TXNL1: variants seen among roughly 807,000 people sequenced by gnomAD.
The protein encoded by TXNL1 is thioredoxin-like protein 1.
TXNL1 carries 14 observed loss-of-function variants against 35.5 expected under a neutral mutation model. The observed-to-expected ratio is 0.39, with a 90% CI of 0.26 to 0.62. The LOEUF (loss-of-function observed/expected upper bound fraction) is 0.62. Among genes scored for constraint, TXNL1 ranks in the 20% least tolerant of loss-of-function variants. TXNL1 has a pLI of 0.47. For missense variants in TXNL1, 263 were observed against 349.7 expected, an observed-to-expected ratio of 0.75 and a Z score of 1.98; for synonymous variants, 110 against 115.5, an observed-to-expected ratio of 0.95 and a Z score of 0.31.
chr18:56,625,975 A>G (rs985857840), intron 2 of TXNL1, among the ~76,000 whole-genome samples: 1 of 152,252 alleles, frequency 6.6e-6, no homozygotes, highest in African/African-American at 2.4e-5. Context: ...TGGAGATAAG[A>G]TAACAAACTG....
chr18:56,617,886 T>G (rs2024116133), intron 4 of TXNL1, 118 bp downstream of exon 4: 2 of 1,300,286 alleles, frequency 1.5e-6, no homozygotes, highest in African/African-American at 1.5e-5. Context: ...GCTATAGAAA[T>G]GAAAGGAAGA....
intron 3 of TXNL1, among the ~76,000 whole-genome samples, 184 bp downstream of exon 3, chr18:56,624,104 C>T (rs905168933): frequency 3.3e-5 from 5 of 152,154 alleles, no homozygotes; most frequent in Non-Finnish European, 7.4e-5. Context: ...AGGCTTAACA[C>T]ACACACAAAC....
In TXNL1 at chr18:56,638,509, G is replaced by A. The variant is rs2024495881; in HGVS notation, c.-69C>T. ...TGAAACTGAAGGAGAAGACGATCTG[G>A]GAGAGGAAGGAGAGATGCTCAGGAA... On this transcript the variant is annotated 5_prime_UTR_variant, in exon 1 of 8. Coordinates refer to ENST00000217515, the MANE Select transcript of TXNL1 (RefSeq NM_004786.3). 1 of 1,476,148 alleles carries A rather than the reference G, an allele frequency of 6.8e-7. No individual in the cohort carries two copies. The highest frequency in any genetic ancestry group is 1.4e-5 in the African/African-American group (1 of 72,120). 91.4% of individuals were successfully genotyped at this position (1,476,148 alleles called of 1,614,324 possible).
chr18:56,628,692 A>G (rs1022049707), intron 1 of TXNL1, among the ~76,000 whole-genome samples: 3 of 152,200 alleles, frequency 2.0e-5, no homozygotes, highest in African/African-American at 7.2e-5. Flanking sequence ...TCTGGAGGCT[A>G]GCAATGTTTT....
chr18:56,613,154 A>G (rs2024025174), intron 6 of TXNL1, among the ~76,000 whole-genome samples: 1 of 152,120 alleles, frequency 6.6e-6, no homozygotes, highest in Non-Finnish European at 1.5e-5. Flanking sequence ...ATAATTCTTC[A>G]TACTACTACT....
chr18:56,613,399 G>A (rs1376799408), intron 6 of TXNL1, among the ~76,000 whole-genome samples: 1 of 151,980 alleles, frequency 6.6e-6, no homozygotes, highest in Non-Finnish European at 1.5e-5. Context: ...TGTGAGCTGG[G>A]TTTCAATGCT....
chr18:56,630,158 G>A (rs898623010), intron 1 of TXNL1, among the ~76,000 whole-genome samples: 3 of 150,958 alleles, frequency 2.0e-5, no homozygotes, highest in Non-Finnish European at 2.9e-5. Flanking sequence ...CACCAAGATC[G>A]TGCACTCCAG....
chr18:56,615,999 G>A (rs1357033009), intron 5 of TXNL1, among the ~76,000 whole-genome samples: 2 of 151,890 alleles, frequency 1.3e-5, no homozygotes, highest in Non-Finnish European at 2.9e-5. Context: ...GGTGGCGCCT[G>A]CCTGTAGTCC....
chr18:56,616,341 A>G (rs1256992171), intron 4 of TXNL1, 27 bp from the exon 5 acceptor site: 1 of 1,604,350 alleles, frequency 6.2e-7, no homozygotes, highest in East Asian at 2.2e-5. Flanking sequence ...TTCATTTTAA[A>G]GGGCTCTTGT....
chr18:56,636,001 A>G (rs544116681), intron 1 of TXNL1, among the ~76,000 whole-genome samples: 4 of 152,050 alleles, frequency 2.6e-5, no homozygotes, highest in Non-Finnish European at 5.9e-5. Flanking sequence ...CACAAATGCA[A>G]TTTTTTTTCT....
Position 56,602,891 on chromosome 18 carries a change from G to T in TXNL1, c.*136C>A. On this transcript the variant is annotated 3_prime_UTR_variant, in exon 8 of 8. Coordinates refer to ENST00000217515, the MANE Select transcript of TXNL1 (RefSeq NM_004786.3). ...TCAAGATTACAATGGAAACACTAGTGATACCATCTGAACAAAAGCAATGAT... is the reference window on the plus strand; with the variant it reads ...TCAAGATTACAATGGAAACACTAGTTATACCATCTGAACAAAAGCAATGAT... The T allele has an allele frequency of 2.1e-6, 2 of 939,336 alleles. No homozygotes were observed. Among genetic ancestry groups the T allele is most frequent in the South Asian group, 1.4e-5 (1 of 69,238 alleles). 58.2% of individuals were successfully genotyped at this position (939,336 alleles called of 1,614,324 possible). A position where few individuals can be genotyped will look rare whatever the true frequency, so the allele number is the denominator to read the frequency against.
intron 7 of TXNL1, 80 bp downstream of exon 7, chr18:56,610,913 G>C (rs1251287063): frequency 1.1e-6 from 1 of 904,180 alleles, no homozygotes; most frequent in East Asian, 3.0e-5. Context: ...TTAAAAGAAA[G>C]TGTGACAGTT....
At chr18:56,604,444 A>G (rs994967073) in intron 7 of TXNL1, 1 of 152,242 alleles carries the variant, frequency 6.6e-6, no homozygotes, top group Non-Finnish European at 1.5e-5. Flanking sequence ...ACTGTTTCAC[A>G]GGTTGATAAC....
chr18:56,618,278 T>TGA, intron 3 of TXNL1, 152 bp from the exon 4 acceptor site: 3 of 797,348 alleles, frequency 3.8e-6, no homozygotes, highest in East Asian at 5.5e-5. Flanking sequence ...TTCATTTGCA[T>TGA]TTCTGACTGA....
Position 56,624,340 on chromosome 18 carries a change from T to C in TXNL1, c.317A>G (p.His106Arg). The C allele has an allele frequency of 1.2e-6, 2 of 1,613,954 alleles. No homozygotes were observed. Among genetic ancestry groups the C allele is most frequent in the South Asian group, 2.2e-5 (2 of 91,070 alleles). The stretch of plus-strand genomic sequence containing the variant: ...ATTGCTTCCAGGGTCATTTTCTAAG[T>C]GCTGCTTGATTTTTTCTTCTAATCC... ...AVGLEEKIKQ[H>R]LENDPGSNED... Residue 106 changes from histidine to arginine, a missense_variant, in exon 3 of 8, where the codon CAC (histidine) becomes CGC (arginine). His to Arg is a conservative substitution (Grantham distance 29). Coordinates refer to ENST00000217515, the MANE Select transcript of TXNL1 (RefSeq NM_004786.3).
chr18:56,638,477 C>T lies in TXNL1; in HGVS notation c.-37G>A, dbSNP rs1440979360. The T allele has an allele frequency of 6.3e-7, 1 of 1,593,834 alleles. No homozygotes were observed. Among genetic ancestry groups the T allele is most frequent in the East Asian group, 2.3e-5 (1 of 44,306 alleles). On this transcript the variant is annotated 5_prime_UTR_variant, in exon 1 of 8. In the 5' UTR this introduces an upstream ATG that the reference lacks. Coordinates refer to ENST00000217515, the MANE Select transcript of TXNL1 (RefSeq NM_004786.3). ...GCCCGGCAGGGTGGCCGCGACGCCA[C>T]TGGCTTTGAAACTGAAGGAGAAGAC...
intron 4 of TXNL1, among the ~76,000 whole-genome samples, chr18:56,616,608 G>A (rs948076848): frequency 1.3e-5 from 2 of 152,176 alleles, no homozygotes; most frequent in Non-Finnish European, 2.9e-5. Flanking sequence ...CAAGCAACCT[G>A]CTTTCTAACA....
Position 56,618,123 on chromosome 18 carries a change from C to T in TXNL1, c.373G>A (p.Asp125Asn). Residue 125 changes from aspartate (D) to asparagine (N), a missense_variant, in exon 4 of 8, where the codon GAT (aspartate) becomes AAT (asparagine). Transcript: ENST00000217515. ...EDTDIPKGYM[D>N]LMPFINKAGC... ...GCTTTGTTAATAAAAGGCATTAAAT[C>T]CATCTGAAAAAAAATTGCAAGATTT... 6.2e-7 allele frequency: 1 copy of T among 1,611,910 alleles called. No individual in the cohort carries two copies. Among genetic ancestry groups the T allele is most frequent in the Non-Finnish European group, 8.5e-7 (1 of 1,178,764 alleles).
rs538306007 is a variant in TXNL1, at chr18:56,608,094, C to T, written c.840+2899G>A. ...CCGGGGGTCTAAGAATGTATCCCCCCGCCCCGACAGATAAGGAGAGACTAT... is the reference window on the plus strand; with the variant it reads ...CCGGGGGTCTAAGAATGTATCCCCCTGCCCCGACAGATAAGGAGAGACTAT... On this transcript the variant is annotated intron_variant, in intron 7 of 7. Transcript: ENST00000217515. Among the ~76,000 whole-genome samples, 33 of 152,176 alleles carry T rather than the reference C, an allele frequency of 2.2e-4. No individual in the cohort carries two copies. The East Asian group carries it at 3.9e-3, about 18-fold the overall frequency.
Sources: gnomAD v4.1 joint callset for allele counts (sites outside exome capture counted in the v4.1 genomes callset) on GRCh38, gnomAD v4.1.1 for gene constraint, MANE v1.5 for transcripts, NCBI Gene and HGNC (gene_info 2026-07-23, HGNC 2026-07-21) for gene names.